TPRG1: variants seen among roughly 807,000 people sequenced by gnomAD.
TPRG1 encodes tumor protein p63-regulated gene 1 protein.
In TPRG1, 29 loss-of-function variants were observed where a neutral mutation model predicts 29.3. That is an observed-to-expected ratio of 0.99 (90% confidence interval 0.74 to 1.35). The LOEUF is 1.35. Among genes scored for constraint, TPRG1 ranks in the 40% most tolerant of loss-of-function variants. The pLI is 0.00. For missense variants in TPRG1, 327 were observed against 335.0 expected (o/e 0.98, Z 0.19); for synonymous variants, 130 against 116.8 (o/e 1.11, Z -0.73).
At chr3:189,056,732 A>G (rs1305104976) in intron 4 of TPRG1, among the ~76,000 whole-genome samples, 1 of 152,146 alleles carries the variant, frequency 6.6e-6, no homozygotes, top group Non-Finnish European at 1.5e-5. Context: ...GGTTACAAGA[A>G]TCTCTCAGTG....
At chr3:189,231,112 A>G (rs1385622956) in intron 3 of TPRG1, among the ~76,000 whole-genome samples, 1 of 152,174 alleles carries the variant, frequency 6.6e-6, no homozygotes, top group Admixed American at 6.5e-5. Flanking sequence ...AGGGAACTTT[A>G]CATATAATGC....
intron 4 of TPRG1, among the ~76,000 whole-genome samples, chr3:189,278,868 G>A (rs188576072): frequency 2.2e-4 from 34 of 152,212 alleles, no homozygotes; most frequent in African/African-American, 6.5e-4. Flanking sequence ...ACTAGAACTC[G>A]TATATACCCA....
At chr3:189,105,858 T>C (rs1560449649) in intron 1 of TPRG1, among the ~76,000 whole-genome samples, 2 of 152,108 alleles carry the variant, frequency 1.3e-5, no homozygotes, top group Non-Finnish European at 2.9e-5. Flanking sequence ...AGACAGGAAA[T>C]TCAGCCTAAG....
At chr3:189,064,820 A>G (rs1273190711) in intron 4 of TPRG1, among the ~76,000 whole-genome samples, 2 of 152,184 alleles carry the variant, frequency 1.3e-5, no homozygotes, top group Non-Finnish European at 2.9e-5. Flanking sequence ...AAAAACTCAA[A>G]CAAGTTGAAA....
At chr3:189,093,582 T>C (rs1391221768) in intron 4 of TPRG1, among the ~76,000 whole-genome samples, 1 of 152,208 alleles carries the variant, frequency 6.6e-6, no homozygotes, top group African/African-American at 2.4e-5. Context: ...AAGAAGCCAT[T>C]TGAATCTTGG....
chr3:189,076,439 T>A (rs1336394258), intron 4 of TPRG1, among the ~76,000 whole-genome samples: 1 of 152,176 alleles, frequency 6.6e-6, no homozygotes, highest in Non-Finnish European at 1.5e-5. Context: ...GATCTGTAAG[T>A]GCACCTTTAG....
In TPRG1 at chr3:189,029,066, T is replaced by C. The variant is rs147500156; in HGVS notation, c.-463+5120T>C. On this transcript the variant is annotated intron_variant, in intron 4 of 10. Coordinates refer to the TPRG1 transcript ENST00000433971. Reference sequence around the variant, plus strand: ...TAATTTAGTAGGTTGAAAGTGATAATTTATTTTAGGCAAAGTGAACAGTTT... The same window carrying C: ...TAATTTAGTAGGTTGAAAGTGATAACTTATTTTAGGCAAAGTGAACAGTTT... Among the ~76,000 whole-genome samples, 344 of 152,232 alleles carry C rather than the reference T, an allele frequency of 2.3e-3. 1 individual carries two copies. Among genetic ancestry groups the C allele is most frequent in the Non-Finnish European group, 3.9e-3 (268 of 68,008 alleles).
chr3:189,305,404 T>G (rs1388580323), intron 4 of TPRG1, among the ~76,000 whole-genome samples: 1 of 152,242 alleles, frequency 6.6e-6, no homozygotes, highest in East Asian at 1.9e-4. Context: ...AAAGAATGTG[T>G]TTCCTTCTTC....
chr3:189,132,977 A>G (rs1314013218), intron 3 of TPRG1, among the ~76,000 whole-genome samples: 1 of 152,144 alleles, frequency 6.6e-6, no homozygotes. Context: ...CAGTACACAT[A>G]CCATGACACT....
intron 4 of TPRG1, among the ~76,000 whole-genome samples, chr3:189,086,372 A>G (rs1369648175): frequency 6.8e-6 from 1 of 147,212 alleles, no homozygotes; most frequent in Non-Finnish European, 1.5e-5. Context: ...TTTTTTTGAG[A>G]TAGGGTCTCA....
In TPRG1 at chr3:189,165,273, A is replaced by C. The variant is rs187978715; in HGVS notation, c.-10+14401A>C. Reference sequence around the variant, plus strand: ...ACACCCTCAACTTTGCCTGCCGCCCAGTGTTCCAGACACACAGGTTTTACT... The same window carrying C: ...ACACCCTCAACTTTGCCTGCCGCCCCGTGTTCCAGACACACAGGTTTTACT... On this transcript the variant is annotated intron_variant, in intron 5 of 6. Transcript: ENST00000412373. Among the ~76,000 whole-genome samples the C allele has an allele frequency of 3.3e-3, 505 of 151,990 alleles. 1 individual carries two copies. Among genetic ancestry groups the C allele is most frequent in the Non-Finnish European group, 5.4e-3 (368 of 67,990 alleles).
chr3:189,029,866 C>A (rs959059434), intron 4 of TPRG1, among the ~76,000 whole-genome samples: 2 of 152,146 alleles, frequency 1.3e-5, no homozygotes, highest in African/African-American at 2.4e-5. Flanking sequence ...TCATGTGATA[C>A]GCTGGCTCCC....
intron 4 of TPRG1, among the ~76,000 whole-genome samples, chr3:189,259,940 C>T (rs1337424881): frequency 1.3e-5 from 2 of 152,152 alleles, no homozygotes; most frequent in Non-Finnish European, 2.9e-5. Flanking sequence ...TACTTGTTCT[C>T]AAATGCATTG....
chr3:189,227,243 G>T (rs1447252895), intron 3 of TPRG1, among the ~76,000 whole-genome samples: 1 of 152,114 alleles, frequency 6.6e-6, no homozygotes, highest in African/African-American at 2.4e-5. Flanking sequence ...CAGAAGGACT[G>T]CCTGAGCCCA....
chr3:189,319,137 G>C (rs893633289), intron 5 of TPRG1, among the ~76,000 whole-genome samples: 1 of 152,080 alleles, frequency 6.6e-6, no homozygotes, highest in Non-Finnish European at 1.5e-5. Flanking sequence ...CCTACTCTCT[G>C]TCCCATATCC....
chr3:189,275,480 G>T (rs781010241), intron 4 of TPRG1, among the ~76,000 whole-genome samples: 1 of 152,158 alleles, frequency 6.6e-6, no homozygotes, highest in African/African-American at 2.4e-5. Flanking sequence ...AGTATAAGAC[G>T]AGACCTTTGG....
chr3:189,160,536 G>A (rs1407831040), intron 5 of TPRG1, among the ~76,000 whole-genome samples: 1 of 152,136 alleles, frequency 6.6e-6, no homozygotes, highest in Non-Finnish European at 1.5e-5. Context: ...AGGAAAACAA[G>A]GAGAAAGATT....
At chr3:189,135,492 T>G (rs1408302155) in intron 3 of TPRG1, among the ~76,000 whole-genome samples, 1 of 152,206 alleles carries the variant, frequency 6.6e-6, no homozygotes, top group Non-Finnish European at 1.5e-5. Flanking sequence ...TTACACCCAG[T>G]CTTCTTCGAC....
chr3:189,166,330 AGAGTGTAATCTTAC>A (rs1370185105), intron 5 of TPRG1, among the ~76,000 whole-genome samples: 2 of 152,244 alleles, frequency 1.3e-5, no homozygotes, highest in African/African-American at 4.8e-5. Context: ...CTTAGGTTCT[AGAGTGTAATCTTAC>A]TTTAAAAATC....
Sources: allele counts gnomAD v4.1 joint callset (sites outside exome capture counted in the v4.1 genomes callset), GRCh38; gene constraint gnomAD v4.1.1; transcripts MANE v1.5; gene names NCBI Gene and HGNC (gene_info 2026-07-23, HGNC 2026-07-21).